The following CCDC122 variants were observed in gnomAD, a reference collection of about 807,000 sequenced individuals.
The protein encoded by CCDC122 is coiled-coil domain containing 122.
CCDC122 carries 38 observed loss-of-function variants against 37.0 expected under a neutral mutation model. The ratio of observed to expected loss-of-function variants is 1.03; its 90% CI spans 0.79 to 1.35. CCDC122 has a LOEUF of 1.35. CCDC122 is among the 40% of genes most tolerant of loss of function. The probability of loss-of-function intolerance (pLI) is 0.00; values close to 1 mark genes in which losing one functional copy is unlikely to be tolerated. For missense variants in CCDC122, 305 were observed against 310.0 expected (o/e 0.98, Z 0.12); for synonymous variants, 83 against 95.6 (o/e 0.87, Z 0.77).
In CCDC122 at chr13:43,837,164, T is replaced by C. The variant is rs1953191750; in HGVS notation, c.*116A>G. ...AACAACAACCGAAGACATCTGTCAT[T>C]AAGACAGGTCTCTAATAGTGGATGC... On this transcript the variant is annotated 3_prime_UTR_variant, in exon 7 of 7. Coordinates refer to ENST00000444614, the MANE Select transcript of CCDC122 (RefSeq NM_144974.5). 7.9e-6 allele frequency: 8 copies of C among 1,011,250 alleles called. No individual in the cohort carries two copies. Among genetic ancestry groups the C allele is most frequent in the African/African-American group, 1.6e-5 (1 of 61,980 alleles). 62.6% of individuals were successfully genotyped at this position (1,011,250 alleles called of 1,614,324 possible).
chr13:43,848,679 A>G (rs1362690858), intron 6 of CCDC122: 1 of 264,728 alleles, frequency 3.8e-6, no homozygotes, highest in Admixed American at 6.5e-5. Context: ...AAAAATACTG[A>G]AAGCATTTAC....
At chr13:43,850,066 G>A (rs1009286115) in intron 6 of CCDC122, among the ~76,000 whole-genome samples, 4 of 152,102 alleles carry the variant, frequency 2.6e-5, no homozygotes, top group Non-Finnish European at 5.9e-5. Context: ...CAGTGTCACT[G>A]GAGGCCATGT....
intron 6 of CCDC122, among the ~76,000 whole-genome samples, chr13:43,847,064 GA>G (rs1953565022): frequency 6.6e-6 from 1 of 152,086 alleles, no homozygotes; most frequent in Admixed American, 6.6e-5. Context: ...GAAAAAACTG[GA>G]AAACACTTAA....
At chr13:43,826,086 C>T (rs1354954090) in intron 3 of CCDC122, among the ~76,000 whole-genome samples, 1 of 152,144 alleles carries the variant, frequency 6.6e-6, no homozygotes, top group East Asian at 1.9e-4. Flanking sequence ...GTCTGTAATG[C>T]TTTGTAATCT....
At chr13:43,859,068 CAAAG>C (rs1954021972) in intron 5 of CCDC122, among the ~76,000 whole-genome samples, 171 bp from the exon 6 acceptor site, 1 of 151,984 alleles carries the variant, frequency 6.6e-6, no homozygotes, top group South Asian at 2.1e-4. Flanking sequence ...AACTGTTACT[CAAAG>C]AAACCTTACA....
chr13:43,859,775 T>C lies in CCDC122; in HGVS notation c.452A>G (p.Glu151Gly), dbSNP rs188595357. ...AACAAAATCTCGCTTTTCATGGAGT[T>C]CAGTCATAAATGACCATTTGCTCTC... is the stretch of plus-strand genomic sequence containing the variant. ...EVESKWSFMTELHEKRDFVKK... is the reference protein window; with the variant it reads ...EVESKWSFMTGLHEKRDFVKK... Residue 151 changes from glutamate (E) to glycine (G), a missense_variant, in exon 5 of 7, where the codon GAA (glutamate) becomes GGA (glycine). Coordinates refer to ENST00000444614, the MANE Select transcript of CCDC122 (RefSeq NM_144974.5). 2 of 1,605,796 alleles carry C rather than the reference T, an allele frequency of 1.2e-6. No homozygotes were observed. Among genetic ancestry groups the C allele is most frequent in the East Asian group, 4.5e-5 (2 of 44,530 alleles).
chr13:43,820,589 G>A (rs1040471282), downstream of CCDC122, among the ~76,000 whole-genome samples: 1 of 152,044 alleles, frequency 6.6e-6, no homozygotes, highest in Non-Finnish European at 1.5e-5. Flanking sequence ...CTTTGAAAAG[G>A]GAATCTGGCT....
downstream of CCDC122, among the ~76,000 whole-genome samples, chr13:43,819,130 G>C (rs1444123621): frequency 6.6e-6 from 1 of 152,138 alleles, no homozygotes; most frequent in African/African-American, 2.4e-5. Context: ...AAATATATTT[G>C]TATAATAGTT....
chr13:43,852,297 T>C (rs1953764714), intron 6 of CCDC122, among the ~76,000 whole-genome samples: 1 of 152,098 alleles, frequency 6.6e-6, no homozygotes. Context: ...CTAAGTGACC[T>C]GATAGAGCTG....
chr13:43,869,283 G>A, intron 3 of CCDC122, 48 bp downstream of exon 3: 1 of 1,405,110 alleles, frequency 7.1e-7, no homozygotes, highest in Non-Finnish European at 1.0e-6. Flanking sequence ...CTACTTTTTT[G>A]TTGTTGCTGA....
At chr13:43,871,149 G>T (rs1286908227) in intron 2 of CCDC122, among the ~76,000 whole-genome samples, 1 of 151,960 alleles carries the variant, frequency 6.6e-6, no homozygotes, top group Non-Finnish European at 1.5e-5. Flanking sequence ...GTTGTTCAAG[G>T]GTCCACTATA....
In CCDC122 at chr13:43,836,969, G is replaced by T. The variant is rs1953184654; in HGVS notation, c.*311C>A. 3 of 209,522 alleles carry T rather than the reference G, an allele frequency of 1.4e-5. No individual in the cohort carries two copies. The highest frequency in any genetic ancestry group is 2.8e-5 in the Non-Finnish European group (3 of 106,590). 13.0% of individuals were successfully genotyped at this position (209,522 alleles called of 1,614,324 possible). A position where few individuals can be genotyped will look rare whatever the true frequency, so the allele number is the denominator to read the frequency against. ...CCCTTCTAAATTTTTACTTCATAGG[G>T]TAGTGAATGCAACATAAACAGGTAT... On this transcript the variant is annotated 3_prime_UTR_variant, in exon 7 of 7. Coordinates refer to ENST00000444614, the MANE Select transcript of CCDC122 (RefSeq NM_144974.5).
intron 6 of CCDC122, among the ~76,000 whole-genome samples, chr13:43,838,710 G>A (rs1306728890): frequency 6.6e-6 from 1 of 152,182 alleles, no homozygotes; most frequent in African/African-American, 2.4e-5. Context: ...AGACAGTGCA[G>A]GAGCAAGAGT....
downstream of CCDC122, among the ~76,000 whole-genome samples, chr13:43,835,585 T>C (rs1385557096): frequency 6.6e-6 from 1 of 152,154 alleles, no homozygotes; most frequent in Admixed American, 6.5e-5. Context: ...CTTTTAAAAA[T>C]AGAGCACATT....
At chr13:43,849,133 AG>A (rs982058506) in intron 6 of CCDC122, 2 of 794,350 alleles carry the variant, frequency 2.5e-6, no homozygotes, top group African/African-American at 3.7e-5. Flanking sequence ...AACTGAATTG[AG>A]GACAACTTTT....
Position 43,875,930 on chromosome 13 carries a change from T to A in CCDC122, c.-199-1003A>T, listed in dbSNP as rs139606142. On this transcript the variant is annotated intron_variant, in intron 1 of 6. Transcript: ENST00000444614. The stretch of plus-strand genomic sequence containing the variant: ...CTTTTGCTTGTTCTCATTTGATTGA[T>A]CTTCATTTATTTCTACACAAGAATC... Among the ~76,000 whole-genome samples the A allele has an allele frequency of 4.6e-5, 7 of 152,296 alleles. No homozygotes were observed. The East Asian group carries it at 1.4e-3, about 29-fold the overall frequency.
At chr13:43,847,571 T>C (rs1053364510) in intron 6 of CCDC122, among the ~76,000 whole-genome samples, 8 of 152,200 alleles carry the variant, frequency 5.3e-5, no homozygotes, top group East Asian at 1.9e-4. Flanking sequence ...CATGTTATTA[T>C]GGGGAATTTA....
At chr13:43,875,860 T>C (rs550536475) in intron 1 of CCDC122, among the ~76,000 whole-genome samples, 28 of 152,332 alleles carry the variant, frequency 1.8e-4, no homozygotes, top group African/African-American at 6.7e-4. Context: ...TTTGCTAAAA[T>C]GCAGGAGATT....
intron 4 of CCDC122, among the ~76,000 whole-genome samples, chr13:43,864,362 C>A (rs570244955): frequency 1.3e-5 from 2 of 152,198 alleles, no homozygotes; most frequent in South Asian, 4.1e-4. Flanking sequence ...AAAATAAATT[C>A]CTGAGTCTGG....
Sources: allele counts gnomAD v4.1 joint callset (sites outside exome capture counted in the v4.1 genomes callset), GRCh38; gene constraint gnomAD v4.1.1; transcripts MANE v1.5; gene names NCBI Gene and HGNC (gene_info 2026-07-23, HGNC 2026-07-21).